Variants in VAV3 observed in about 807,000 individuals in gnomAD.
The protein encoded by VAV3 is vav guanine nucleotide exchange factor 3, also known as guanine nucleotide exchange factor VAV3.
VAV3 carries 94 observed loss-of-function variants against 131.2 expected under a neutral mutation model. The observed-to-expected ratio is 0.72, with a 90% CI of 0.61 to 0.85. The LOEUF (loss-of-function observed/expected upper bound fraction) is 0.85. Among genes scored for constraint, VAV3 ranks in the 40% least tolerant of loss-of-function variants. The probability of loss-of-function intolerance (pLI) is 0.00; values close to 1 mark genes in which losing one functional copy is unlikely to be tolerated. For synonymous variants in VAV3, 349 were observed against 342.0 expected (o/e 1.02, Z -0.22); for missense variants, 939 against 1,002.7 (o/e 0.94, Z 0.86).
intron 1 of VAV3, among the ~76,000 whole-genome samples, chr1:107,879,291 T>A (rs1670652294): frequency 6.6e-6 from 1 of 152,178 alleles, no homozygotes; most frequent in Non-Finnish European, 1.5e-5. Flanking sequence ...AAGAGCCAAT[T>A]ACATGAGAAG....
chr1:107,964,506 T>C (rs1675318107), intron 1 of VAV3, 160 bp downstream of exon 1: 3 of 718,570 alleles, frequency 4.2e-6, no homozygotes, highest in Non-Finnish European at 6.6e-6. Context: ...CAAGCCAAGG[T>C]AGGAAACGCC....
chr1:107,690,398 A>AACAGAACAGGAACAG (rs1659347908), intron 17 of VAV3, among the ~76,000 whole-genome samples: 1 of 152,090 alleles, frequency 6.6e-6, no homozygotes, highest in Non-Finnish European at 1.5e-5. Context: ...CCAGGAACAG[A>AACAGAACAGGAACAG]AGTCCTGCAT....
chr1:107,674,325 TC>T (rs1553185320), intron 19 of VAV3, among the ~76,000 whole-genome samples: 1 of 152,212 alleles, frequency 6.6e-6, no homozygotes, highest in Non-Finnish European at 1.5e-5. Flanking sequence ...AGCTGCCTTA[TC>T]TTCTGGTAGG....
At chr1:107,913,206 A>C (rs1400821150) in intron 1 of VAV3, among the ~76,000 whole-genome samples, 5 of 152,220 alleles carry the variant, frequency 3.3e-5, no homozygotes, top group Non-Finnish European at 5.9e-5. Flanking sequence ...TTCTGGCATC[A>C]GATTATACAG....
At chr1:107,898,788 T>C (rs903382500) in intron 1 of VAV3, among the ~76,000 whole-genome samples, 14 of 152,228 alleles carry the variant, frequency 9.2e-5, no homozygotes, top group African/African-American at 3.1e-4. Context: ...GATTATATAC[T>C]ATACATGAAC....
Position 107,686,361 on chromosome 1 carries a change from G to A in VAV3, c.1731+2020C>T, listed in dbSNP as rs569761973. Among the ~76,000 whole-genome samples the A allele has an allele frequency of 3.3e-5, 5 of 152,204 alleles. No homozygotes were observed. The South Asian group carries it at 1.0e-3, about 32-fold the overall frequency. On this transcript the variant is annotated intron_variant, in intron 18 of 26. Coordinates refer to ENST00000370056, the MANE Select transcript of VAV3 (RefSeq NM_006113.5). ...CATAACTATTGAAAGGGAAGCAGAG[G>A]AGGCCTATAAACTGGTACATGGAGA... is the stretch of plus-strand genomic sequence containing the variant.
At position 107,673,833 on chromosome 1, in the gene VAV3, T is replaced by C. The variant is rs190604942; in HGVS notation, c.1777+9655A>G. ...AGGAAAAAAGTGTGTAACAAAAGTA[T>C]ACAGGGTGATTAGCTGAGTGAGAGG... On this transcript the variant is annotated intron_variant, in intron 19 of 26. Coordinates refer to ENST00000370056, the MANE Select transcript of VAV3 (RefSeq NM_006113.5). Among the ~76,000 whole-genome samples the C allele has an allele frequency of 1.6e-4, 24 of 152,316 alleles. 1 individual carries two copies. The highest frequency in any genetic ancestry group is 4.6e-4 in the Admixed American group (7 of 15,300).
At chr1:107,783,402 G>A (rs1212468649) in intron 2 of VAV3, among the ~76,000 whole-genome samples, 2 of 152,184 alleles carry the variant, frequency 1.3e-5, no homozygotes, top group South Asian at 4.1e-4. Flanking sequence ...CAGTAGACAG[G>A]AAAGTAGTGG....
At chr1:107,914,158 TGACA>T (rs1425944640) in intron 1 of VAV3, among the ~76,000 whole-genome samples, 2 of 152,184 alleles carry the variant, frequency 1.3e-5, no homozygotes, top group African/African-American at 4.8e-5. Flanking sequence ...GGCAGATAGA[TGACA>T]GACAGATGAA....
chr1:107,787,126 C>T (rs564433940), intron 2 of VAV3, among the ~76,000 whole-genome samples: 1 of 152,204 alleles, frequency 6.6e-6, no homozygotes, highest in South Asian at 2.1e-4. Flanking sequence ...AATACCATGG[C>T]CCAGAAAAAC....
intron 4 of VAV3, among the ~76,000 whole-genome samples, chr1:107,776,306 C>G (rs559511601): frequency 6.6e-6 from 1 of 152,334 alleles, no homozygotes; most frequent in South Asian, 2.1e-4. Context: ...AAGTCCCACA[C>G]CTCACAAAAG....
At chr1:107,687,622 T>C (rs1211859169) in intron 18 of VAV3, among the ~76,000 whole-genome samples, 2 of 152,148 alleles carry the variant, frequency 1.3e-5, no homozygotes, top group Admixed American at 6.5e-5. Flanking sequence ...GCAATGATTG[T>C]CTGGGAACCA....
rs746205042 is a variant in VAV3 at position 107,594,012 on chromosome 1, C to T, written c.2350+2200G>A. On this transcript the variant is annotated intron_variant, in intron 25 of 26. Transcript: ENST00000370056. ...CAGAACCATCTTAGTCTTCCTCTAACTTTATACAAAGTTAGTATAAAGTAA... is the reference window on the plus strand; with the variant it reads ...CAGAACCATCTTAGTCTTCCTCTAATTTTATACAAAGTTAGTATAAAGTAA... Among the ~76,000 whole-genome samples the T allele has an allele frequency of 2.6e-5, 4 of 152,062 alleles. 1 individual carries two copies.
chr1:107,928,481 C>T (rs1673265990), intron 1 of VAV3, among the ~76,000 whole-genome samples: 1 of 152,148 alleles, frequency 6.6e-6, no homozygotes, highest in Non-Finnish European at 1.5e-5. Flanking sequence ...TTTAAAATAG[C>T]TGTTTTGAGG....
At chr1:107,783,190 T>C (rs1345302527) in intron 2 of VAV3, among the ~76,000 whole-genome samples, 2 of 152,098 alleles carry the variant, frequency 1.3e-5, no homozygotes, top group African/African-American at 4.8e-5. Flanking sequence ...TTTAGAAGGG[T>C]GGCTTATATT....
intron 1 of VAV3, among the ~76,000 whole-genome samples, chr1:107,893,629 G>A (rs1301055678): frequency 1.3e-5 from 2 of 152,094 alleles, no homozygotes; most frequent in African/African-American, 2.4e-5. Context: ...GATCTCATGA[G>A]ACTTATTCAC....
At position 107,704,838 on chromosome 1, in the gene VAV3, T is replaced by C. The variant is rs903924972; in HGVS notation, c.1604+122A>G. The C allele has an allele frequency of 5.3e-6, 6 of 1,136,532 alleles. No homozygotes were observed. In the Admixed American group the frequency reaches 1.3e-4, roughly 24 times the overall value. 70.4% of individuals were successfully genotyped at this position (1,136,532 alleles called of 1,614,324 possible). A position where few individuals can be genotyped will look rare whatever the true frequency, so the allele number is the denominator to read the frequency against. On this transcript the variant is annotated intron_variant, in intron 16 of 26. Transcript: ENST00000370056. ...GAAAGCCTGGCAAAGGTTTGTGGGA[T>C]CCAGACTGCTAAGGCAAATTCCCCA...
At chr1:107,867,881 G>C (rs1025164844) in intron 2 of VAV3, among the ~76,000 whole-genome samples, 3 of 152,278 alleles carry the variant, frequency 2.0e-5, no homozygotes, top group Non-Finnish European at 4.4e-5. Flanking sequence ...TGTGACCCAG[G>C]CTTGCTGACA....
intron 2 of VAV3, among the ~76,000 whole-genome samples, chr1:107,795,261 A>G (rs1666480978): frequency 6.6e-6 from 1 of 152,274 alleles, no homozygotes; most frequent in African/African-American, 2.4e-5. Context: ...CGAAGTTACC[A>G]AGATAACTAG....
Sources: gnomAD v4.1 joint callset for allele counts (sites outside exome capture counted in the v4.1 genomes callset) on GRCh38, gnomAD v4.1.1 for gene constraint, MANE v1.5 for transcripts, NCBI Gene and HGNC (gene_info 2026-07-23, HGNC 2026-07-21) for gene names.